Variants in PTN observed in about 807,000 individuals in gnomAD.
PTN encodes pleiotrophin.
PTN carries 18 observed loss-of-function variants against 24.1 expected under a neutral mutation model. That is an observed-to-expected ratio of 0.75 (90% CI 0.52 to 1.11). The LOEUF is 1.11. Ranked by LOEUF, PTN falls within the 50% of genes least tolerant of loss-of-function variation. PTN has a pLI of 0.00. For synonymous variants in PTN, 78 were observed against 68.6 expected (o/e 1.14, Z -0.67); for missense variants, 163 against 198.8 (o/e 0.82, Z 1.08).
chr7:137,304,813 T>C (rs189354697), intron 1 of PTN, among the ~76,000 whole-genome samples: 54 of 152,152 alleles, frequency 3.5e-4, no homozygotes, highest in African/African-American at 1.3e-3. Flanking sequence ...GAGCTTGTCT[T>C]CTTTAAGCAT....
chr7:137,281,253 C>CA (rs776816443), intron 1 of PTN, among the ~76,000 whole-genome samples: 4,054 of 127,476 alleles, frequency 0.032, 73 homozygotes, highest in African/African-American at 0.058. Flanking sequence ...TGGTATCACT[C>CA]AAAAAAAAAA....
intron 1 of PTN, among the ~76,000 whole-genome samples, chr7:137,298,262 C>A (rs1013072671): frequency 6.6e-6 from 1 of 151,860 alleles, no homozygotes; most frequent in African/African-American, 2.4e-5. Flanking sequence ...TTCATTAGTT[C>A]GGTAAATATG....
intron 4 of PTN, among the ~76,000 whole-genome samples, chr7:137,244,374 A>ATTTTTTTTTTTTTTT (rs1242182641): frequency 7.6e-6 from 1 of 131,166 alleles, no homozygotes; most frequent in Admixed American, 7.8e-5. Flanking sequence ...TCTCCTCAGA[A>ATTTTTTTTTTTTTTT]TTTTTTTTTT....
At chr7:137,235,694 T>G (rs554614796) in intron 4 of PTN, among the ~76,000 whole-genome samples, 2 of 152,256 alleles carry the variant, frequency 1.3e-5, no homozygotes, top group African/African-American at 4.8e-5. Context: ...ACATGCATAC[T>G]GCCCCTCAGT....
rs142981133 is a variant in PTN at position 137,277,550 on chromosome 7, C to A, written c.-1-22576G>T. On this transcript the variant is annotated intron_variant, in intron 1 of 4. Coordinates refer to ENST00000348225, the MANE Select transcript of PTN (RefSeq NM_002825.7). ...ATTGATGAATAAATTGTAGTATAGT[C>A]AAACAATGTTATCCCAAGCAAGAAA... 2.0e-5 allele frequency among the ~76,000 whole-genome samples: 3 copies of A among 152,128 alleles called. No individual in the cohort carries two copies. In the East Asian group the frequency reaches 5.8e-4, roughly 29 times the overall value.
chr7:137,260,843 C>G (rs1809023729), intron 1 of PTN, among the ~76,000 whole-genome samples: 1 of 152,128 alleles, frequency 6.6e-6, no homozygotes, highest in Non-Finnish European at 1.5e-5. Context: ...GCCATTGGTA[C>G]TTAATGAGTA....
At chr7:137,334,789 A>G (rs1810418677) in intron 1 of PTN, among the ~76,000 whole-genome samples, 1 of 152,002 alleles carries the variant, frequency 6.6e-6, no homozygotes, top group South Asian at 2.1e-4. Context: ...ACTTGGAACC[A>G]ATCCAAATGT....
intron 4 of PTN, among the ~76,000 whole-genome samples, chr7:137,244,380 T>G: frequency 6.6e-6 from 1 of 151,268 alleles, no homozygotes; most frequent in South Asian, 2.1e-4. Context: ...CAGAATTTTT[T>G]TTTTTTTTTT....
At chr7:137,236,195 A>G (rs1483131371) in intron 4 of PTN, 3 of 702,134 alleles carry the variant, frequency 4.3e-6, no homozygotes, top group Non-Finnish European at 7.8e-6. Flanking sequence ...ACTCCTCTCT[A>G]CCATCTTCTC....
At chr7:137,251,161 T>C in intron 4 of PTN, 69 bp downstream of exon 4, 1 of 1,521,728 alleles carries the variant, frequency 6.6e-7, no homozygotes, top group Non-Finnish European at 9.1e-7. Context: ...TTCTGGAAAA[T>C]GTGGGTTTTC....
intron 1 of PTN, among the ~76,000 whole-genome samples, chr7:137,264,235 T>C (rs1233930699): frequency 1.3e-5 from 2 of 152,082 alleles, no homozygotes; most frequent in Non-Finnish European, 2.9e-5. Context: ...AGAATAGCAT[T>C]ATGCAAACAA....
intron 1 of PTN, among the ~76,000 whole-genome samples, chr7:137,332,606 C>G (rs548126501): frequency 1.3e-5 from 2 of 152,226 alleles, no homozygotes; most frequent in South Asian, 4.2e-4. Flanking sequence ...AATCTAATAA[C>G]CTACCTGTTT....
chr7:137,268,829 G>A (rs1047980792), intron 1 of PTN, among the ~76,000 whole-genome samples: 29 of 151,914 alleles, frequency 1.9e-4, no homozygotes, highest in African/African-American at 5.8e-4. Context: ...AATATGAGAG[G>A]GTCTCTCTTG....
intron 4 of PTN, among the ~76,000 whole-genome samples, chr7:137,246,724 C>G (rs1808729787): frequency 6.6e-6 from 1 of 152,110 alleles, no homozygotes. Flanking sequence ...GAAGCTCAAC[C>G]CTTTAAAGCT....
intron 4 of PTN, among the ~76,000 whole-genome samples, chr7:137,238,259 T>C (rs999217909): frequency 6.6e-6 from 1 of 152,122 alleles, no homozygotes; most frequent in African/African-American, 2.4e-5. Context: ...AGCACCAGAA[T>C]TGCTAGGAAT....
At chr7:137,228,130 C>G in intron 4 of PTN, 55 bp from the exon 5 acceptor site, 1 of 1,165,690 alleles carries the variant, frequency 8.6e-7, no homozygotes, top group Non-Finnish European at 1.3e-6. Context: ...TGTCAAGTTA[C>G]TAAATTGCAG....
intron 1 of PTN, among the ~76,000 whole-genome samples, chr7:137,330,260 TG>T (rs1193275054): frequency 6.6e-6 from 1 of 151,568 alleles, no homozygotes; most frequent in Non-Finnish European, 1.5e-5. Context: ...CACTCCAGCC[TG>T]GGCAACACAG....
chr7:137,305,414 A>G (rs1809871570), intron 1 of PTN, among the ~76,000 whole-genome samples: 1 of 152,170 alleles, frequency 6.6e-6, no homozygotes, highest in Admixed American at 6.6e-5. Context: ...AGCTGTTTCT[A>G]TCACCTTTCA....
intron 1 of PTN, among the ~76,000 whole-genome samples, chr7:137,271,916 A>G (rs890768400): frequency 2.6e-4 from 40 of 152,226 alleles, no homozygotes; most frequent in African/African-American, 9.4e-4. Flanking sequence ...TACGTATGAA[A>G]ATTAAGCAAC....
Sources: gnomAD v4.1 joint callset for allele counts (sites outside exome capture counted in the v4.1 genomes callset) on GRCh38, gnomAD v4.1.1 for gene constraint, MANE v1.5 for transcripts, NCBI Gene and HGNC (gene_info 2026-07-23, HGNC 2026-07-21) for gene names.